CTNND2: variants seen among roughly 807,000 people sequenced by gnomAD.
The protein encoded by CTNND2 is catenin delta-2.
CTNND2 carries 22 observed loss-of-function variants against 144.4 expected under a neutral mutation model. The observed-to-expected ratio is 0.15, with a 90% CI of 0.11 to 0.22. The LOEUF (loss-of-function observed/expected upper bound fraction) is 0.22, where lower values mean the gene tolerates loss of function less well. CTNND2 is among the 10% of genes least tolerant of loss of function. CTNND2 has a pLI of 1.00. For synonymous variants in CTNND2, 751 were observed against 695.6 expected, an observed-to-expected ratio of 1.08 and a Z score of -1.25; for missense variants, 1,353 against 1,618.8, an observed-to-expected ratio of 0.84 and a Z score of 2.82.
At chr5:11,738,104 C>G (rs890638014) in intron 1 of CTNND2, among the ~76,000 whole-genome samples, 3 of 152,176 alleles carry the variant, frequency 2.0e-5, no homozygotes, top group African/African-American at 4.8e-5. Context: ...TAAAACATCT[C>G]TTGGTAACAC....
chr5:11,315,044 A>G (rs2150058625), intron 9 of CTNND2, among the ~76,000 whole-genome samples: 1 of 152,358 alleles, frequency 6.6e-6, no homozygotes, highest in Non-Finnish European at 1.5e-5. Flanking sequence ...TTGCTATCAA[A>G]AATAATCATT....
At chr5:11,801,112 A>G (rs773202262) in intron 1 of CTNND2, among the ~76,000 whole-genome samples, 8 of 152,232 alleles carry the variant, frequency 5.3e-5, no homozygotes, top group Non-Finnish European at 8.8e-5. Context: ...TTACAATTTT[A>G]TCTTCCAAAG....
At chr5:11,180,115 G>C (rs1014506900) in intron 11 of CTNND2, among the ~76,000 whole-genome samples, 8 of 152,144 alleles carry the variant, frequency 5.3e-5, no homozygotes, top group Non-Finnish European at 8.8e-5. Flanking sequence ...GAGGGACCTG[G>C]TGGGAGGTGA....
chr5:11,891,089 A>G (rs1222316022), intron 1 of CTNND2, among the ~76,000 whole-genome samples: 1 of 152,206 alleles, frequency 6.6e-6, no homozygotes, highest in Non-Finnish European at 1.5e-5. Flanking sequence ...GGTGACAAGA[A>G]GTGGGAGGTT....
chr5:11,430,086 C>T (rs79985953), intron 3 of CTNND2, among the ~76,000 whole-genome samples: 34 of 151,592 alleles, frequency 2.2e-4, no homozygotes, highest in African/African-American at 8.0e-4. Flanking sequence ...CTAGTCTCTA[C>T]TAAAAATACA....
intron 3 of CTNND2, among the ~76,000 whole-genome samples, chr5:11,456,379 A>G (rs1191485660): frequency 6.6e-6 from 1 of 151,882 alleles, no homozygotes; most frequent in East Asian, 1.9e-4. Flanking sequence ...TCATTTTAAA[A>G]ACACCCTCTA....
intron 3 of CTNND2, among the ~76,000 whole-genome samples, chr5:11,417,251 C>A (rs138737499): frequency 4.6e-5 from 7 of 152,276 alleles, no homozygotes; most frequent in African/African-American, 1.4e-4. Context: ...AGGGTTATGA[C>A]CTTGGTTTTC....
Position 11,159,681 on chromosome 5 carries a change from G to A in CTNND2, c.2054C>T (p.Ala685Val), listed in dbSNP as rs769088810. 9.3e-6 allele frequency: 15 copies of A among 1,613,248 alleles called. No individual in the cohort carries two copies. In the African/African-American group the frequency reaches 1.7e-4, roughly 19 times the overall value. Residue 685 changes from alanine to valine, a missense_variant, in exon 12 of 22, where the codon GCG (alanine) becomes GTG (valine). Ala to Val is a moderately conservative substitution (Grantham distance 64, BLOSUM62 0). Around this residue, in one of 4 missense-constraint regions of CTNND2, gnomAD observed 117 missense variants for 117.8 expected, o/e 0.99. Transcript: ENST00000304623. ...CCAGCCTGAGTGGGGGATAATCACC[G>A]CGTTGGTCAGTACTGCTAGGGCATC... is the stretch of plus-strand genomic sequence containing the variant. Reference protein sequence around the residue: ...IQDALAVLTNAVIIPHSGWEN... With the variant: ...IQDALAVLTNVVIIPHSGWEN...
chr5:11,629,087 T>G (rs1781294899), intron 2 of CTNND2, among the ~76,000 whole-genome samples: 2 of 151,966 alleles, frequency 1.3e-5, no homozygotes, highest in South Asian at 4.2e-4. Context: ...CCTTTCCTAC[T>G]CTAGGGATCC....
intron 1 of CTNND2, among the ~76,000 whole-genome samples, chr5:11,818,868 C>T (rs1229655688): frequency 2.6e-5 from 4 of 152,152 alleles, no homozygotes; most frequent in Admixed American, 1.3e-4. Context: ...TGGATTATAG[C>T]GGGTTTCCTC....
At chr5:11,126,155 G>A (rs1190031816) in intron 12 of CTNND2, among the ~76,000 whole-genome samples, 3 of 152,264 alleles carry the variant, frequency 2.0e-5, no homozygotes, top group Admixed American at 2.0e-4. Flanking sequence ...TACAAAATTA[G>A]CTGGGCGTGG....
At chr5:11,710,183 C>A (rs73043412) in intron 2 of CTNND2, among the ~76,000 whole-genome samples, 1 of 152,028 alleles carries the variant, frequency 6.6e-6, no homozygotes, top group African/African-American at 2.4e-5. Context: ...AGCCAAGAAC[C>A]ATTTATCTGG....
chr5:11,744,154 G>C (rs752312485), intron 1 of CTNND2, among the ~76,000 whole-genome samples: 2 of 152,160 alleles, frequency 1.3e-5, no homozygotes, highest in Non-Finnish European at 2.9e-5. Context: ...TCTAAAGCAT[G>C]ATCTCAGCCA....
At chr5:11,544,909 G>A (rs562920524) in intron 3 of CTNND2, among the ~76,000 whole-genome samples, 4 of 151,928 alleles carry the variant, frequency 2.6e-5, no homozygotes, top group African/African-American at 7.2e-5. Flanking sequence ...ATGAGGTCAG[G>A]AGTTCAAGAC....
At chr5:11,370,327 T>C (rs1757353060) in intron 7 of CTNND2, among the ~76,000 whole-genome samples, 1 of 152,142 alleles carries the variant, frequency 6.6e-6, no homozygotes, top group Non-Finnish European at 1.5e-5. Flanking sequence ...GTCAGCCAAG[T>C]GGGATGCATC....
chr5:11,325,514 G>A (rs927347088), intron 9 of CTNND2, among the ~76,000 whole-genome samples: 1 of 152,052 alleles, frequency 6.6e-6, no homozygotes, highest in East Asian at 1.9e-4. Flanking sequence ...AGTGGAGACA[G>A]GGTTTTAAAA....
intron 11 of CTNND2, among the ~76,000 whole-genome samples, chr5:11,174,147 C>A (rs1480256043): frequency 6.6e-6 from 1 of 152,064 alleles, no homozygotes; most frequent in Admixed American, 6.5e-5. Context: ...AGAGGCCTGG[C>A]AGGAAGTTGT....
chr5:11,690,733 A>G (rs1784866062), intron 2 of CTNND2, among the ~76,000 whole-genome samples: 1 of 123,360 alleles, frequency 8.1e-6, no homozygotes, highest in Admixed American at 9.7e-5. Flanking sequence ...ACAGAGCGAG[A>G]CTCCGTCTCA....
At chr5:11,683,003 T>C (rs1188448232) in intron 2 of CTNND2, among the ~76,000 whole-genome samples, 3 of 152,220 alleles carry the variant, frequency 2.0e-5, no homozygotes, top group African/African-American at 7.2e-5. Context: ...ACAGAATACA[T>C]AGCCCCACAA....
Sources: allele counts gnomAD v4.1 joint callset (sites outside exome capture counted in the v4.1 genomes callset), GRCh38; gene constraint gnomAD v4.1.1; regional missense constraint gnomAD v4.1.1; transcripts MANE v1.5; gene names NCBI Gene and HGNC (gene_info 2026-07-23, HGNC 2026-07-21).